The following LY96 variants were observed in gnomAD, a reference collection of about 807,000 sequenced individuals.
LY96 encodes lymphocyte antigen 96.
A neutral mutation model predicts 18.9 loss-of-function variants in LY96; 18 were observed. That is an observed-to-expected ratio of 0.95 (90% CI 0.66 to 1.41). LY96 has a LOEUF of 1.41. LY96 is among the 40% of genes most tolerant of loss of function. LY96 has a pLI of 0.00. For synonymous variants in LY96, 66 were observed against 62.6 expected, an observed-to-expected ratio of 1.06 and a Z score of -0.26; for missense variants, 175 against 182.4, an observed-to-expected ratio of 0.96 and a Z score of 0.23.
At chr8:74,054,664 C>CT in the LY96 span, among the ~76,000 whole-genome samples, 1 of 133,906 alleles carries the variant, frequency 7.5e-6, no homozygotes, top group Admixed American at 7.9e-5. Context: ...TTCTTTCTTT[C>CT]TTTCTTTCTT....
chr8:74,032,784 T>G (rs1227465840), downstream of LY96, among the ~76,000 whole-genome samples: 1 of 152,178 alleles, frequency 6.6e-6, no homozygotes, highest in Non-Finnish European at 1.5e-5. Flanking sequence ...ATTGGGTTGA[T>G]GCAGGACCCA....
In LY96 at chr8:74,005,397, C is replaced by G. The variant is rs75878116; in HGVS notation, c.202+512C>G. On this transcript the variant is annotated intron_variant, in intron 2 of 4. Coordinates refer to ENST00000284818, the MANE Select transcript of LY96 (RefSeq NM_015364.5). Reference sequence around the variant, plus strand: ...TTTGCTGTGTTCTATTGGTTAGAAGCAAGTCACTAGGCTAGCCCATACTAC... The same window carrying G: ...TTTGCTGTGTTCTATTGGTTAGAAGGAAGTCACTAGGCTAGCCCATACTAC... Among the ~76,000 whole-genome samples the G allele has an allele frequency of 5.8e-3, 886 of 152,268 alleles. 8 individuals carry two copies. The highest frequency in any genetic ancestry group is 0.019 in the African/African-American group (810 of 41,554).
At chr8:74,092,986 G>A in the LY96 span, among the ~76,000 whole-genome samples, 2 of 152,124 alleles carry the variant, frequency 1.3e-5, no homozygotes, top group South Asian at 4.2e-4. Flanking sequence ...GTCTTTCATG[G>A]TTTCTTATTG....
the LY96 span, among the ~76,000 whole-genome samples, chr8:74,057,182 C>T: frequency 3.4e-3 from 514 of 152,246 alleles, 5 homozygotes; most frequent in African/African-American, 0.012. Context: ...TTTCACGTAG[C>T]GCACCTTTCC....
the LY96 span, among the ~76,000 whole-genome samples, chr8:74,050,272 G>C: frequency 6.6e-6 from 1 of 151,852 alleles, no homozygotes; most frequent in Non-Finnish European, 1.5e-5. Flanking sequence ...GAACAGGAGA[G>C]GCAGAGGTTG....
At chr8:74,013,713 TCC>T (rs751997991) in intron 3 of LY96, among the ~76,000 whole-genome samples, 1 of 152,112 alleles carries the variant, frequency 6.6e-6, no homozygotes, top group Non-Finnish European at 1.5e-5. Context: ...GGAAAAACAT[TCC>T]CTGGAGAGGA....
In LY96 at chr8:74,002,093, T is replaced by TTCTTTCTTTCTTTCTC. The variant is rs1563710943; in HGVS notation, c.113-2700_113-2699insTTCTTTCTTTCTCTCT. The stretch of plus-strand genomic sequence containing the variant: ...TTCCTTCCTTTCTTTCTTTCTTTCT[T>TTCTTTCTTTCTTTCTC]TCTCTCTCTCTCTCTCTCTCTCTCT... On this transcript the variant is annotated intron_variant, in intron 1 of 4. Transcript: ENST00000284818. Among the ~76,000 whole-genome samples, 24 of 38,726 alleles carry TTCTTTCTTTCTTTCTC rather than the reference T, an allele frequency of 6.2e-4. 3 individuals are homozygous for TTCTTTCTTTCTTTCTC. Among genetic ancestry groups the TTCTTTCTTTCTTTCTC allele is most frequent in the South Asian group, 1.3e-3 (1 of 746 alleles). 25.4% of individuals were successfully genotyped at this position (38,726 alleles called of 152,430 possible). A position where few individuals can be genotyped will look rare whatever the true frequency, so the allele number is the denominator to read the frequency against.
At chr8:74,087,404 A>C in the LY96 span, among the ~76,000 whole-genome samples, 1 of 152,196 alleles carries the variant, frequency 6.6e-6, no homozygotes, top group East Asian at 1.9e-4. Context: ...TGTCATTAAG[A>C]AAGGAAATTG....
At chr8:74,040,057 T>C in the LY96 span, among the ~76,000 whole-genome samples, 3 of 152,164 alleles carry the variant, frequency 2.0e-5, no homozygotes, top group Non-Finnish European at 2.9e-5. Flanking sequence ...TATGCGGGCG[T>C]GACAGAAGGC....
the LY96 span, among the ~76,000 whole-genome samples, chr8:74,066,995 T>C: frequency 6.6e-6 from 1 of 152,144 alleles, no homozygotes; most frequent in Non-Finnish European, 1.5e-5. Context: ...TTGACAGTAG[T>C]TCATTAGTGG....
At chr8:74,084,478 C>T in the LY96 span, among the ~76,000 whole-genome samples, 3 of 152,142 alleles carry the variant, frequency 2.0e-5, no homozygotes, top group East Asian at 5.8e-4. Context: ...GCTTCTTTCC[C>T]TTTATTAATA....
the LY96 span, among the ~76,000 whole-genome samples, chr8:74,086,223 CAT>C: frequency 6.6e-6 from 1 of 152,310 alleles, no homozygotes; most frequent in East Asian, 1.9e-4. Context: ...TTCTACCTAA[CAT>C]AGCCACTCCT....
At chr8:74,089,962 A>G in the LY96 span, among the ~76,000 whole-genome samples, 82 of 152,192 alleles carry the variant, frequency 5.4e-4, no homozygotes, top group East Asian at 0.013. Context: ...GGTGTGGAAG[A>G]TTGGGGCCTG....
downstream of LY96, among the ~76,000 whole-genome samples, chr8:74,029,966 A>G (rs1427196007): frequency 6.6e-6 from 1 of 152,156 alleles, no homozygotes; most frequent in Non-Finnish European, 1.5e-5. Context: ...TCTTTCCTTT[A>G]GAAATTACCC....
At chr8:74,037,801 A>G in the LY96 span, among the ~76,000 whole-genome samples, 1 of 152,148 alleles carries the variant, frequency 6.6e-6, no homozygotes, top group African/African-American at 2.4e-5. Context: ...ACCTGAGAGC[A>G]TTCTAGTTGA....
chr8:74,018,386 A>T (rs1816688183), intron 3 of LY96, among the ~76,000 whole-genome samples: 1 of 152,242 alleles, frequency 6.6e-6, no homozygotes, highest in African/African-American at 2.4e-5. Flanking sequence ...TCCTAAATAT[A>T]TATGCACCCA....
chr8:74,017,807 C>T (rs1273468530), intron 3 of LY96, among the ~76,000 whole-genome samples: 2 of 152,148 alleles, frequency 1.3e-5, no homozygotes, highest in East Asian at 3.8e-4. Context: ...AACTAAGCTT[C>T]ACAAGTGAAG....
the LY96 span, among the ~76,000 whole-genome samples, chr8:74,082,577 C>A: frequency 6.6e-6 from 1 of 152,038 alleles, no homozygotes; most frequent in Non-Finnish European, 1.5e-5. Context: ...GAAAGATTTC[C>A]TTTTCTCACC....
At chr8:74,005,360 C>T (rs1442118539) in intron 2 of LY96, among the ~76,000 whole-genome samples, 1 of 152,164 alleles carries the variant, frequency 6.6e-6, no homozygotes, top group African/African-American at 2.4e-5. Flanking sequence ...ATGGAAGTAA[C>T]ACTCCATCAT....
Sources: gnomAD v4.1 joint callset for allele counts (sites outside exome capture counted in the v4.1 genomes callset) on GRCh38, gnomAD v4.1.1 for gene constraint, MANE v1.5 for transcripts, NCBI Gene and HGNC (gene_info 2026-07-23, HGNC 2026-07-21) for gene names.